SIRT5: variants seen among roughly 807,000 people sequenced by gnomAD.
SIRT5 encodes the protein sirtuin 5.
SIRT5 carries 26 observed loss-of-function variants against 40.0 expected under a neutral mutation model. The ratio of observed to expected loss-of-function variants is 0.65; its 90% confidence interval spans 0.48 to 0.90. The LOEUF (loss-of-function observed/expected upper bound fraction) is 0.90. Among genes scored for constraint, SIRT5 ranks in the 40% least tolerant of loss-of-function variants. The pLI, the probability that SIRT5 is intolerant of heterozygous loss-of-function variation, is 0.00. For missense variants in SIRT5, 401 were observed against 402.4 expected (o/e 1.00, Z 0.03); for synonymous variants, 146 against 149.1 (o/e 0.98, Z 0.15).
At chr6:13,578,616 CAA>C (rs60663066) in intron 1 of SIRT5, among the ~76,000 whole-genome samples, 12 of 36,812 alleles carry the variant, frequency 3.3e-4, no homozygotes, top group East Asian at 1.4e-3. Context: ...GACTCCATCT[CAA>C]AAAAAAAAAA....
At position 13,607,956 on chromosome 6, in the gene SIRT5, C is replaced by T. The variant is rs1165128273; in HGVS notation, c.858-3834C>T. Among the ~76,000 whole-genome samples the T allele has an allele frequency of 6.6e-6, 1 of 152,000 alleles. No individual in the cohort carries two copies. The highest frequency in any genetic ancestry group is 2.4e-5 in the African/African-American group (1 of 41,356). Reference sequence around the variant, plus strand: ...TTTTTTTTTAGTAGAGACGGGTTTTCACCACATTGCCCAGGCTGGTCTCAA... The same window carrying T: ...TTTTTTTTTAGTAGAGACGGGTTTTTACCACATTGCCCAGGCTGGTCTCAA... On this transcript the variant is annotated intron_variant, in intron 9 of 9. Coordinates refer to ENST00000606117, the MANE Select transcript of SIRT5 (RefSeq NM_012241.5). This position sits in a 1 kb window ranked among gnomAD's most constrained non-coding sequence, Gnocchi z 4.0.
At chr6:13,586,598 G>A (rs1472763346) in intron 3 of SIRT5, among the ~76,000 whole-genome samples, 1 of 152,144 alleles carries the variant, frequency 6.6e-6, no homozygotes, top group Non-Finnish European at 1.5e-5. Context: ...CACCGTGACT[G>A]TCTTAATTTC....
chr6:13,576,992 C>G (rs1758716036), intron 1 of SIRT5, among the ~76,000 whole-genome samples: 1 of 152,136 alleles, frequency 6.6e-6, no homozygotes, highest in African/African-American at 2.4e-5. Context: ...GCTTTCTATT[C>G]CTGTTCCATT....
At chr6:13,590,854 TTGTG>T (rs1016843629) in intron 4 of SIRT5, among the ~76,000 whole-genome samples, 12 of 151,656 alleles carry the variant, frequency 7.9e-5, no homozygotes, top group South Asian at 2.1e-4. Flanking sequence ...ATGTGTGCAG[TTGTG>T]TGTGTATGTA....
At chr6:13,574,276 C>A (rs1012222258), upstream of SIRT5, among the ~76,000 whole-genome samples, 1 of 152,100 alleles carries the variant, frequency 6.6e-6, no homozygotes, top group African/African-American at 2.4e-5. Context: ...CCCACGGCCT[C>A]CTCTCCAGCC....
chr6:13,594,005 C>T (rs1761269740), intron 5 of SIRT5, among the ~76,000 whole-genome samples: 1 of 152,150 alleles, frequency 6.6e-6, no homozygotes, highest in South Asian at 2.1e-4. Context: ...CTCATCCAAG[C>T]TCCTGACACA....
intron 1 of SIRT5, among the ~76,000 whole-genome samples, chr6:13,578,852 G>T (rs9382227): frequency 0.26 from 39,386 of 151,822 alleles, 5,442 homozygotes; most frequent in Admixed American, 0.33. Context: ...CAGATTTCAT[G>T]AAAAGGCATC....
chr6:13,596,452 C>G (rs537246945), intron 6 of SIRT5, among the ~76,000 whole-genome samples: 19 of 152,176 alleles, frequency 1.2e-4, no homozygotes, highest in African/African-American at 4.1e-4. Flanking sequence ...CAGCCCTCCC[C>G]ACACATGCAT....
intron 3 of SIRT5, among the ~76,000 whole-genome samples, chr6:13,584,472 T>A (rs1244171538): frequency 6.6e-6 from 1 of 152,128 alleles, no homozygotes; most frequent in Non-Finnish European, 1.5e-5. Flanking sequence ...TGCCTCAGCC[T>A]CCCGAGGAGC....
Position 13,614,611 on chromosome 6 carries a change from A to G in SIRT5, c.*2746A>G, listed in dbSNP as rs1036343320. ...CGGGTGCATTCTCTAGGGACCGGCG[A>G]AGCCATTCTTTCAGGAGATATGCTC... is the stretch of plus-strand genomic sequence containing the variant. On this transcript the variant is annotated 3_prime_UTR_variant, in exon 10 of 10. Coordinates refer to ENST00000606117, the MANE Select transcript of SIRT5 (RefSeq NM_012241.5). The G allele has an allele frequency of 2.0e-5, 3 of 152,276 alleles. No homozygotes were observed. The highest frequency in any genetic ancestry group is 7.2e-5 in the African/African-American group (3 of 41,468). The allele number at this position is 152,276 out of a possible 1,614,324, so 9.4% of individuals were successfully genotyped here. A position where few individuals can be genotyped will look rare whatever the true frequency, so the allele number is the denominator to read the frequency against.
intron 8 of SIRT5, among the ~76,000 whole-genome samples, chr6:13,600,394 G>A (rs774819292): frequency 3.3e-5 from 5 of 152,180 alleles, no homozygotes; most frequent in Admixed American, 6.5e-5. Flanking sequence ...GAAAACCTAA[G>A]AGGACATACA....
upstream of SIRT5, among the ~76,000 whole-genome samples, chr6:13,574,351 C>A (rs1758282980): frequency 6.6e-6 from 1 of 152,068 alleles, no homozygotes; most frequent in Admixed American, 6.5e-5. Flanking sequence ...CGGCCTCTCC[C>A]GCTCGGGCTC....
chr6:13,611,228 TATATATATACACAC>T (rs1475311556), intron 9 of SIRT5, among the ~76,000 whole-genome samples: 20 of 131,232 alleles, frequency 1.5e-4, no homozygotes, highest in Admixed American at 3.8e-4. Flanking sequence ...TATATATATA[TATATATATACACAC>T]ACACATACAC....
At chr6:13,588,868 A>C (rs1002391751) in intron 4 of SIRT5, among the ~76,000 whole-genome samples, 2 of 152,228 alleles carry the variant, frequency 1.3e-5, no homozygotes, top group Non-Finnish European at 2.9e-5. Context: ...ATATTCAAAA[A>C]TTTATAGGAA....
At chr6:13,594,104 CT>C (rs1159437743) in intron 5 of SIRT5, among the ~76,000 whole-genome samples, 4 of 152,204 alleles carry the variant, frequency 2.6e-5, no homozygotes, top group African/African-American at 9.7e-5. Context: ...ACTTGCTTTC[CT>C]TCCTGAAGTG....
chr6:13,596,452 C>T (rs537246945), intron 6 of SIRT5, among the ~76,000 whole-genome samples: 1 of 152,062 alleles, frequency 6.6e-6, no homozygotes, highest in Admixed American at 6.6e-5. Flanking sequence ...CAGCCCTCCC[C>T]ACACATGCAT....
chr6:13,601,014 A>G, intron 9 of SIRT5, 65 bp downstream of exon 9: 1 of 1,198,092 alleles, frequency 8.3e-7, no homozygotes, highest in South Asian at 1.3e-5. Flanking sequence ...TCATCTAAAC[A>G]TAGTTGACCT....
chr6:13,590,599 A>G (rs1760736192), intron 4 of SIRT5, among the ~76,000 whole-genome samples: 1 of 151,204 alleles, frequency 6.6e-6, no homozygotes, highest in Non-Finnish European at 1.5e-5. Flanking sequence ...ATGTGTAGTT[A>G]TGTGTATGTT....
intron 9 of SIRT5, among the ~76,000 whole-genome samples, chr6:13,608,328 G>A (rs1453172041): frequency 1.3e-5 from 2 of 152,166 alleles, no homozygotes; most frequent in Non-Finnish European, 2.9e-5. Flanking sequence ...GCTTATGCCT[G>A]TAATCCCAGC....
Sources: gnomAD v4.1 joint callset for allele counts (sites outside exome capture counted in the v4.1 genomes callset) on GRCh38, gnomAD v4.1.1 for gene constraint, Gnocchi (gnomAD v3.1) non-coding constraint, MANE v1.5 for transcripts, NCBI Gene and HGNC (gene_info 2026-07-23, HGNC 2026-07-21) for gene names.